STARD9: variants seen among roughly 807,000 people sequenced by gnomAD.
STARD9 encodes the protein StAR related lipid transfer domain containing 9, also known as stAR-related lipid transfer protein 9.
In STARD9, 346 loss-of-function variants were observed where a neutral mutation model predicts 399.8. That is an observed-to-expected ratio of 0.87 (90% CI 0.79 to 0.95). The LOEUF is 0.95. STARD9 is among the 40% of genes least tolerant of loss of function. STARD9 has a pLI of 0.00. For synonymous variants in STARD9, 2,203 were observed against 2,143.5 expected (o/e 1.03, Z -0.77); for missense variants, 5,832 against 5,667.5 (o/e 1.03, Z -0.93).
At chr15:42,694,432 G>A (rs1476397358) in intron 23 of STARD9, 90 bp downstream of exon 23, 1 of 1,524,710 alleles carries the variant, frequency 6.6e-7, no homozygotes, top group Non-Finnish European at 8.8e-7. Context: ...TGTTTCCTCT[G>A]CCCTGGTTCA....
In STARD9 at chr15:42,687,988, G is replaced by T; in HGVS notation, c.6410G>T (p.Ser2137Ile). The T allele has an allele frequency of 6.5e-7, 1 of 1,537,502 alleles. No homozygotes were observed. The highest frequency in any genetic ancestry group is 8.7e-7 in the Non-Finnish European group (1 of 1,146,970). The change falls in exon 23 of 33, where the codon AGC becomes ATC. Residue 2137 changes from serine to isoleucine, a missense_variant. By Grantham distance (142) the Ser-to-Ile change is moderately radical. Transcript: ENST00000290607. ...GAAGCTGGAGCGATGGAGGTTAACA[G>T]CATTGGGAACCATCCCCAGGTCCAG... ...DSEAGAMEVN[S>I]IGNHPQVQKI...
rs2061387178 is a variant in STARD9 at position 42,718,185 on chromosome 15, C to T, written c.13762+6C>T. On this transcript the variant is annotated splice_donor_region_variant and intron_variant, in intron 30 of 32. Coordinates refer to ENST00000290607, the MANE Select transcript of STARD9 (RefSeq NM_020759.3). ...GACCAACAGCATCAGCCTGGGTGAG[C>T]CCAGGGAAGGAAGGCTTCCATGGGG... The T allele has an allele frequency of 1.3e-6, 2 of 1,535,332 alleles. No individual in the cohort carries two copies. Among genetic ancestry groups the T allele is most frequent in the African/African-American group, 1.4e-5 (1 of 73,002 alleles).
At position 42,590,066 on chromosome 15, in the gene STARD9, T is replaced by C. The variant is rs912723173; in HGVS notation, c.234+4429T>C. Among the ~76,000 whole-genome samples the C allele has an allele frequency of 2.0e-5, 3 of 150,122 alleles. No individual in the cohort carries two copies. In the Admixed American group the frequency reaches 2.0e-4, roughly 10 times the overall value. ...GCCTCAACCTCCTGAACTTAAGTGA[T>C]CCTCCCACCTCAGCCTCCTGAGTAG... On this transcript the variant is annotated intron_variant, in intron 3 of 32. Coordinates refer to ENST00000290607, the MANE Select transcript of STARD9 (RefSeq NM_020759.3).
chr15:42,639,344 T>C (rs925907486), intron 7 of STARD9, among the ~76,000 whole-genome samples: 12 of 152,292 alleles, frequency 7.9e-5, no homozygotes, highest in Admixed American at 4.6e-4. Flanking sequence ...CAATATGGCA[T>C]GGCCTCTACT....
intron 1 of STARD9, among the ~76,000 whole-genome samples, chr15:42,579,442 G>T (rs751302053): frequency 1.3e-5 from 2 of 152,148 alleles, no homozygotes; most frequent in Non-Finnish European, 2.9e-5. Flanking sequence ...CTAAAAATAG[G>T]TCTGTAGTCA....
intron 26 of STARD9, among the ~76,000 whole-genome samples, chr15:42,703,663 G>A (rs185723917): frequency 1.6e-3 from 242 of 151,638 alleles, no homozygotes; most frequent in African/African-American, 5.3e-3. Context: ...GTGGGCCACC[G>A]CGCCTGGCCA....
At position 42,689,805 on chromosome 15, in the gene STARD9, G is replaced by A; in HGVS notation, c.8227G>A (p.Ala2743Thr). The change falls in exon 23 of 33, where the codon GCC becomes ACC. Residue 2743 changes from alanine (A) to threonine (T), a missense_variant. Transcript: ENST00000290607. Reference protein sequence around the residue: ...RRVVSKKVVAALPSQAPYDDP... With the variant: ...RRVVSKKVVATLPSQAPYDDP... ...GGTAGTATCAAAGAAGGTAGTGGCT[G>A]CCTTACCTTCTCAGGCCCCTTATGA... 6.5e-7 allele frequency: 1 copy of A among 1,537,242 alleles called. No individual in the cohort carries two copies. Among genetic ancestry groups the A allele is most frequent in the Non-Finnish European group, 8.7e-7 (1 of 1,146,870 alleles).
In STARD9 at chr15:42,720,765, TAA is replaced by T. The variant is rs2061437743; in HGVS notation, c.*1193_*1194del. 6.6e-6 allele frequency: 1 copy of T among 152,234 alleles called. No individual in the cohort carries two copies. The highest frequency in any genetic ancestry group is 1.5e-5 in the Non-Finnish European group (1 of 68,040). The allele number at this position is 152,234 out of a possible 1,614,324, so 9.4% of individuals were successfully genotyped here. A position where few individuals can be genotyped will look rare whatever the true frequency, so the allele number is the denominator to read the frequency against. The stretch of plus-strand genomic sequence containing the variant: ...GTAGTGTGGCAGAGATGTGTTTTTC[TAA>T]AGTGTTTGCAGGGCATTTTTCCCTC... On this transcript the variant is annotated 3_prime_UTR_variant, in exon 33 of 33. Coordinates refer to ENST00000290607, the MANE Select transcript of STARD9 (RefSeq NM_020759.3).
chr15:42,697,498 G>A (rs774195019), intron 26 of STARD9, among the ~76,000 whole-genome samples: 1 of 152,008 alleles, frequency 6.6e-6, no homozygotes, highest in African/African-American at 2.4e-5. Flanking sequence ...ATAGTAGAAA[G>A]GGCACAAATA....
chr15:42,699,382 T>TTTTTCTTTTC (rs1290894525), intron 26 of STARD9, among the ~76,000 whole-genome samples: 29 of 148,210 alleles, frequency 2.0e-4, no homozygotes, highest in African/African-American at 7.0e-4. Flanking sequence ...GAGATCAACT[T>TTTTTCTTTTC]TTTTCTTTTC....
intron 3 of STARD9, among the ~76,000 whole-genome samples, chr15:42,610,324 G>A (rs1341293149): frequency 6.6e-6 from 1 of 152,084 alleles, no homozygotes; most frequent in East Asian, 1.9e-4. Flanking sequence ...TAATGTCTGA[G>A]CCTTTGATTG....
At chr15:42,649,662 T>G (rs922902902) in intron 7 of STARD9, among the ~76,000 whole-genome samples, 2 of 151,382 alleles carry the variant, frequency 1.3e-5, no homozygotes, top group African/African-American at 4.9e-5. Context: ...TAGGTCCAAG[T>G]GATTCTCCTG....
intron 9 of STARD9, among the ~76,000 whole-genome samples, chr15:42,653,599 T>C (rs1336747684): frequency 1.7e-5 from 2 of 116,924 alleles, no homozygotes; most frequent in East Asian, 5.5e-4. Context: ...CATTGAACCC[T>C]TAGAAGTCAG....
In STARD9 at chr15:42,687,749, G is replaced by A. The variant is rs2060597189; in HGVS notation, c.6171G>A (p.Leu2057=). ...MARLIRSVMQ[L]ENGILEIESK... Reference sequence around the variant, plus strand: ...GGCTAATTAGGAGTGTAATGCAGCTGGAAAATGGCATCTTAGAAATTGAAT... The same window carrying A: ...GGCTAATTAGGAGTGTAATGCAGCTAGAAAATGGCATCTTAGAAATTGAAT... Residue 2057 remains leucine (L), a synonymous_variant, in exon 23 of 33, where the codon CTG becomes CTA. Coordinates refer to ENST00000290607, the MANE Select transcript of STARD9 (RefSeq NM_020759.3). 2 of 1,537,412 alleles carry A rather than the reference G, an allele frequency of 1.3e-6. No homozygotes were observed. Among genetic ancestry groups the A allele is most frequent in the Non-Finnish European group, 1.7e-6 (2 of 1,146,988 alleles).
chr15:42,607,552 C>A (rs1595623828), intron 3 of STARD9, among the ~76,000 whole-genome samples: 1 of 151,430 alleles, frequency 6.6e-6, no homozygotes, highest in East Asian at 1.9e-4. Context: ...GTGGAGTACC[C>A]TAGGAATTCC....
rs538753048 is a variant in STARD9 at position 42,587,149 on chromosome 15, C to T, written c.234+1512C>T. Among the ~76,000 whole-genome samples the T allele has an allele frequency of 2.0e-5, 3 of 152,220 alleles. No homozygotes were observed. In the South Asian group the frequency reaches 6.2e-4, roughly 32 times the overall value. ...GGAATTATAGGCATGAGTAACTGCACCCAGCTATAAAGCTTTTAATAATTA... is the reference window on the plus strand; with the variant it reads ...GGAATTATAGGCATGAGTAACTGCATCCAGCTATAAAGCTTTTAATAATTA... On this transcript the variant is annotated intron_variant, in intron 3 of 32. Transcript: ENST00000290607.
intron 7 of STARD9, among the ~76,000 whole-genome samples, chr15:42,649,233 T>G (rs2059707452): frequency 6.6e-6 from 1 of 152,110 alleles, no homozygotes; most frequent in Non-Finnish European, 1.5e-5. Context: ...TTTTACCACG[T>G]TGGTCAGGCT....
Position 42,651,047 on chromosome 15 carries a change from G to T in STARD9, c.591G>T (p.Lys197Asn). 1.3e-6 allele frequency: 2 copies of T among 1,534,636 alleles called. No individual in the cohort carries two copies. The change falls in exon 8 of 33, where the codon AAG (lysine) becomes AAT (asparagine). Residue 197 changes from lysine (K) to asparagine (N), a missense_variant. Transcript: ENST00000290607. ...GLSQHVVTNY[K>N]QVIQLLEEGI... ...CTCAACATGTAGTTACCAATTATAA[G>T]CAAGTAATCCAACTCTTGGAGGAGG...
At position 42,687,897 on chromosome 15, in the gene STARD9, C is replaced by A; in HGVS notation, c.6319C>A (p.Pro2107Thr). The A allele has an allele frequency of 6.5e-7, 1 of 1,537,206 alleles. No individual in the cohort carries two copies. The highest frequency in any genetic ancestry group is 1.2e-5 in the South Asian group (1 of 84,056). The change falls in exon 23 of 33, where the codon CCT (proline) becomes ACT (threonine). Residue 2107 changes from proline (P) to threonine (T), a missense_variant. Pro to Thr is a conservative substitution (Grantham distance 38, BLOSUM62 -1). Around this residue, in one of 2 missense-constraint regions of STARD9, gnomAD observed 5,828 missense variants for 5,651.1 expected, o/e 1.03. Coordinates refer to ENST00000290607, the MANE Select transcript of STARD9 (RefSeq NM_020759.3). ...CTTTAGGCCAGACAGCTCTGGAAAC[C>A]CTTTGCCCTCTAAGGATCAGCCATC... ...HAFRPDSSGNPLPSKDQPSSP... is the reference protein window; with the variant it reads ...HAFRPDSSGNTLPSKDQPSSP...
Sources: gnomAD v4.1 joint callset for allele counts (sites outside exome capture counted in the v4.1 genomes callset) on GRCh38, gnomAD v4.1.1 for gene constraint, gnomAD v4.1.1 regional missense constraint, MANE v1.5 for transcripts, NCBI Gene and HGNC (gene_info 2026-07-23, HGNC 2026-07-21) for gene names.